TRPM6: variants seen among roughly 807,000 people sequenced by gnomAD.
TRPM6 encodes the protein channel kinase 2.
TRPM6 carries 111 observed loss-of-function variants against 247.6 expected under a neutral mutation model. The ratio of observed to expected loss-of-function variants is 0.45; its 90% CI spans 0.38 to 0.52. The LOEUF is 0.52. Among genes scored for constraint, TRPM6 ranks in the 20% least tolerant of loss-of-function variants. The probability of loss-of-function intolerance (pLI) is 0.00; values close to 1 mark genes in which losing one functional copy is unlikely to be tolerated. For synonymous variants in TRPM6, 892 were observed against 853.8 expected (o/e 1.04, Z -0.78); for missense variants, 2,126 against 2,421.5 (o/e 0.88, Z 2.56).
At chr9:74,855,463 G>A in intron 3 of TRPM6, 64 bp downstream of exon 3, 1 of 1,091,188 alleles carries the variant, frequency 9.2e-7, no homozygotes, top group Non-Finnish European at 1.4e-6. Flanking sequence ...TGAGGAAACT[G>A]TCCCAGTGAA....
chr9:74,791,031 A>G (rs186010104), intron 19 of TRPM6, among the ~76,000 whole-genome samples: 16 of 152,316 alleles, frequency 1.1e-4, no homozygotes, highest in African/African-American at 3.8e-4. Context: ...CATGGTGGGC[A>G]GATCTGGCTG....
intron 12 of TRPM6, 128 bp downstream of exon 12, chr9:74,812,171 G>A (rs1046045716): frequency 8.2e-7 from 1 of 1,224,534 alleles, no homozygotes; most frequent in Non-Finnish European, 1.2e-6. Flanking sequence ...TCCAGCTTCA[G>A]ATAATAGGGA....
At position 74,802,059 on chromosome 9, in the gene TRPM6, C is replaced by T. The variant is rs767365446; in HGVS notation, c.1848G>A (p.Val616=). The T allele has an allele frequency of 9.9e-6, 16 of 1,614,058 alleles. No individual in the cohort carries two copies. The African/African-American group carries it at 2.0e-4, about 20-fold the overall frequency. ...TAGCCATCTTCTGCCTTTTCATCAG[C>T]ACAGCCCAAACCAGCAGGTCATTGT... is the stretch of plus-strand genomic sequence containing the variant. The part of the protein sequence containing the change: ...YPYNDLLVWA[V]LMKRQKMAMF... Residue 616 remains valine, a synonymous_variant, in exon 16 of 39, where the codon GTG becomes GTA. Transcript: ENST00000360774.
chr9:74,773,127 AAACAAC>A (rs547034582), intron 24 of TRPM6, among the ~76,000 whole-genome samples: 25 of 151,956 alleles, frequency 1.6e-4, no homozygotes, highest in South Asian at 1.0e-3. Flanking sequence ...ACTCCATCTC[AAACAAC>A]AACAACAACA....
intron 36 of TRPM6, among the ~76,000 whole-genome samples, chr9:74,735,347 T>A (rs1825660021): frequency 6.6e-6 from 1 of 152,230 alleles, no homozygotes; most frequent in South Asian, 2.1e-4. Flanking sequence ...AATGCTCATG[T>A]CAGGTAATAT....
intron 3 of TRPM6, 124 bp downstream of exon 3, chr9:74,855,403 C>G: frequency 2.6e-6 from 2 of 769,368 alleles, no homozygotes; most frequent in Admixed American, 3.7e-5. Flanking sequence ...TTTAAAACTT[C>G]CCTTGGAAAG....
At chr9:74,866,884 T>C (rs989913227) in intron 1 of TRPM6, among the ~76,000 whole-genome samples, 14 of 152,256 alleles carry the variant, frequency 9.2e-5, no homozygotes, top group African/African-American at 3.1e-4. Context: ...GTATTTTGTT[T>C]ATTTAAATTA....
chr9:74,881,119 A>T (rs1831349735), intron 1 of TRPM6, among the ~76,000 whole-genome samples: 1 of 152,044 alleles, frequency 6.6e-6, no homozygotes, highest in Non-Finnish European at 1.5e-5. Flanking sequence ...ACGTAGCGAG[A>T]TCCCATCTCT....
chr9:74,857,947 C>T (rs1160327571), intron 2 of TRPM6, among the ~76,000 whole-genome samples: 1 of 152,100 alleles, frequency 6.6e-6, no homozygotes. Flanking sequence ...TTTATTGATT[C>T]CAACCCACTG....
intron 19 of TRPM6, among the ~76,000 whole-genome samples, 175 bp from the exon 20 acceptor site, chr9:74,788,917 A>G (rs2118956691): frequency 6.6e-6 from 1 of 152,324 alleles, no homozygotes; most frequent in Admixed American, 6.5e-5. Flanking sequence ...ACAACAATCC[A>G]TGGTGTTCTA....
intron 1 of TRPM6, among the ~76,000 whole-genome samples, chr9:74,879,434 T>C (rs1311315462): frequency 6.6e-6 from 1 of 152,108 alleles, no homozygotes; most frequent in African/African-American, 2.4e-5. Flanking sequence ...ATAACTCCCA[T>C]ATCCTTTCTT....
At chr9:74,823,585 A>G (rs146845976) in intron 7 of TRPM6, among the ~76,000 whole-genome samples, 61 of 152,240 alleles carry the variant, frequency 4.0e-4, no homozygotes, top group African/African-American at 1.1e-3. Context: ...TATTTTCTCC[A>G]TATCACTAAA....
At position 74,762,924 on chromosome 9, in the gene TRPM6, A is replaced by C. The variant is rs1436119987; in HGVS notation, c.3747T>G (p.Leu1249=). 4 of 1,605,772 alleles carry C rather than the reference A, an allele frequency of 2.5e-6. No homozygotes were observed. The East Asian group carries it at 8.9e-5, about 36-fold the overall frequency. ...AGATGACATTGCTCCAGCTGTGGGG[A>C]AGTTTTTTGCAAGTAGAATGCTTTC... ...AKRKHSTCKK[L]PHSWSNVICA... Residue 1249 remains leucine, a synonymous_variant, in exon 26 of 39, where the codon CTT becomes CTG. Transcript: ENST00000360774.
At chr9:74,820,501 C>G (rs1829100210) in intron 8 of TRPM6, 74 bp from the exon 9 acceptor site, 20 of 1,569,386 alleles carry the variant, frequency 1.3e-5, no homozygotes, top group Non-Finnish European at 1.6e-5. Flanking sequence ...CAAGAAAACA[C>G]CCCATCAGCT....
At chr9:74,752,930 T>C (rs1204973126) in intron 28 of TRPM6, among the ~76,000 whole-genome samples, 2 of 152,002 alleles carry the variant, frequency 1.3e-5, no homozygotes, top group African/African-American at 2.4e-5. Context: ...CTGACCAACA[T>C]GGAGAAACCC....
At chr9:74,775,757 A>G (rs976143549) in intron 24 of TRPM6, 126 bp downstream of exon 24, 11 of 952,944 alleles carry the variant, frequency 1.2e-5, no homozygotes, top group Non-Finnish European at 1.7e-5. Context: ...ATCAGCTGAT[A>G]TTCTATTGTC....
chr9:74,853,485 A>G (rs1016507999), intron 3 of TRPM6, among the ~76,000 whole-genome samples: 12 of 152,232 alleles, frequency 7.9e-5, no homozygotes, highest in Non-Finnish European at 1.6e-4. Flanking sequence ...ATAAGTAGAC[A>G]TAGGAGACTC....
At chr9:74,724,820 T>C (rs1481539592) in intron 38 of TRPM6, 74 bp from the exon 39 acceptor site, 5 of 1,594,518 alleles carry the variant, frequency 3.1e-6, no homozygotes, top group Admixed American at 1.7e-5. Flanking sequence ...AATGGGACTT[T>C]AGGCTTTGCC....
At chr9:74,851,830 G>C (rs1186246331) in intron 3 of TRPM6, among the ~76,000 whole-genome samples, 1 of 149,056 alleles carries the variant, frequency 6.7e-6, no homozygotes, top group East Asian at 2.0e-4. Context: ...AGGAGATTTA[G>C]GATTATTTTT....
Sources: gnomAD v4.1 joint callset for allele counts (sites outside exome capture counted in the v4.1 genomes callset) on GRCh38, gnomAD v4.1.1 for gene constraint, MANE v1.5 for transcripts, NCBI Gene and HGNC (gene_info 2026-07-23, HGNC 2026-07-21) for gene names.